The following CCN6 variants were observed in gnomAD, a reference collection of about 807,000 sequenced individuals.
CCN6 encodes cellular communication network factor 6, also known as CCN family member 6.
A neutral mutation model predicts 37.4 loss-of-function variants in CCN6; 31 were observed. That is an observed-to-expected ratio of 0.83 (90% confidence interval 0.62 to 1.12). The LOEUF is 1.12. Among genes scored for constraint, CCN6 ranks in the 50% most tolerant of loss-of-function variants. CCN6 has a pLI of 0.00. For missense variants in CCN6, 369 were observed against 413.8 expected (o/e 0.89, Z 0.94); for synonymous variants, 137 against 142.1 (o/e 0.96, Z 0.26).
chr6:112,067,068 A>G, intron 3 of CCN6: 1 of 1,351,038 alleles, frequency 7.4e-7, no homozygotes, highest in Non-Finnish European at 9.9e-7. Context: ...CCTCAGTTCT[A>G]TGTGCAATTG....
At chr6:112,056,877 A>G (rs936520426) in intron 1 of CCN6, among the ~76,000 whole-genome samples, 5 of 151,122 alleles carry the variant, frequency 3.3e-5, no homozygotes, top group African/African-American at 1.2e-4. Flanking sequence ...TCCTTTCAAC[A>G]TTGTCTTTGC....
intron 1 of CCN6, among the ~76,000 whole-genome samples, chr6:112,060,485 G>A (rs1379814411): frequency 6.6e-6 from 1 of 152,224 alleles, no homozygotes; most frequent in East Asian, 1.9e-4. Flanking sequence ...AAATATATTG[G>A]CATTTGCTTA....
At chr6:112,066,909 C>T (rs371070507) in intron 3 of CCN6, 27 of 1,268,478 alleles carry the variant, frequency 2.1e-5, no homozygotes, top group African/African-American at 1.5e-4. Context: ...CTACAGCTGT[C>T]GGTTTAACAA....
chr6:112,059,463 T>G (rs1554312342), intron 1 of CCN6, among the ~76,000 whole-genome samples: 1 of 152,144 alleles, frequency 6.6e-6, no homozygotes, highest in African/African-American at 2.4e-5. Flanking sequence ...CATGACCCAT[T>G]TCAGCAACGG....
At chr6:112,054,897 C>CT (rs1371680993) in intron 1 of CCN6, 1 of 194,426 alleles carries the variant, frequency 5.1e-6, no homozygotes. Flanking sequence ...AAAACATTCT[C>CT]TTACTTTGTC....
rs927676931 is a variant in CCN6, at chr6:112,060,948, A to G, written c.49-43A>G. The G allele has an allele frequency of 2.5e-6, 4 of 1,610,758 alleles. No homozygotes were observed. In the African/African-American group the frequency reaches 5.3e-5, roughly 21 times the overall value. ...TCTTCTATTCCTGTTATACTATTAC[A>G]TAGAGAAGCTATTTCTAACATCACC... is the stretch of plus-strand genomic sequence containing the variant. On this transcript the variant is annotated intron_variant, in intron 1 of 4. Transcript: ENST00000368666.
chr6:112,065,554 C>G (rs1776653541), intron 3 of CCN6, among the ~76,000 whole-genome samples: 1 of 117,844 alleles, frequency 8.5e-6, no homozygotes, highest in South Asian at 2.4e-4. Flanking sequence ...AATTGTTAAT[C>G]TCTCTGTAAA....
chr6:112,055,579 CTTTATTTA>C (rs375824740), intron 1 of CCN6, among the ~76,000 whole-genome samples: 3 of 151,288 alleles, frequency 2.0e-5, no homozygotes, highest in East Asian at 1.9e-4. Context: ...GTGCTGGGTG[CTTTATTTA>C]TTTATTTATT....
rs150881320 is a variant in CCN6 at position 112,061,152 on chromosome 6, T to A, written c.210T>A (p.Asp70Glu). 5.0e-6 allele frequency: 8 copies of A among 1,614,006 alleles called. No individual in the cohort carries two copies. The highest frequency in any genetic ancestry group is 6.8e-6 in the Non-Finnish European group (8 of 1,180,032). ...CTCCTGGAGTGAGCCTGGTGAGAGATGGCTGTGGATGCTGTAAAATCTGTG... is the reference window on the plus strand; with the variant it reads ...CTCCTGGAGTGAGCCTGGTGAGAGAAGGCTGTGGATGCTGTAAAATCTGTG... ...RCPPGVSLVR[D>E]GCGCCKICAK... The change falls in exon 2 of 5, where the codon GAT becomes GAA. Residue 70 changes from aspartate (D) to glutamate (E), a missense_variant. Transcript: ENST00000368666.
At chr6:112,056,159 G>A (rs1776342781) in intron 1 of CCN6, among the ~76,000 whole-genome samples, 1 of 152,090 alleles carries the variant, frequency 6.6e-6, no homozygotes, top group Admixed American at 6.5e-5. Context: ...CCCACATATT[G>A]ACTATGTCCA....
intron 2 of CCN6, among the ~76,000 whole-genome samples, chr6:112,064,023 C>G (rs1331087892): frequency 6.6e-6 from 1 of 152,110 alleles, no homozygotes; most frequent in Admixed American, 6.6e-5. Flanking sequence ...TTCCCCCACC[C>G]CTTTTAAAGT....
At chr6:112,060,898 C>T in intron 1 of CCN6, 93 bp from the exon 2 acceptor site, 5 of 1,449,388 alleles carry the variant, frequency 3.4e-6, no homozygotes, top group South Asian at 1.2e-5. Flanking sequence ...ACTCACCACT[C>T]TGTATACTAC....
At chr6:112,067,639 C>A (rs1199433665) in intron 3 of CCN6, among the ~76,000 whole-genome samples, 1 of 152,108 alleles carries the variant, frequency 6.6e-6, no homozygotes, top group Non-Finnish European at 1.5e-5. Flanking sequence ...CAATGACTTT[C>A]TATATAAATG....
intron 3 of CCN6, among the ~76,000 whole-genome samples, 159 bp from the exon 4 acceptor site, chr6:112,068,046 G>T (rs1554314418): frequency 2.6e-5 from 4 of 152,048 alleles, no homozygotes; most frequent in Non-Finnish European, 5.9e-5. Context: ...TTGGGAAAGA[G>T]GGAGATAGAG....
chr6:112,061,755 C>CA (rs1428229836), intron 2 of CCN6, among the ~76,000 whole-genome samples: 2 of 152,190 alleles, frequency 1.3e-5, no homozygotes, highest in Non-Finnish European at 2.9e-5. Flanking sequence ...GTGCTTTTTA[C>CA]TTCAGCAGAT....
intron 1 of CCN6, among the ~76,000 whole-genome samples, chr6:112,060,763 A>G (rs1200334798): frequency 6.6e-6 from 1 of 152,152 alleles, no homozygotes; most frequent in Non-Finnish European, 1.5e-5. Flanking sequence ...GCAGTCAGTG[A>G]TAAAGGAGGA....
At chr6:112,067,091 C>G (rs1776720257) in intron 3 of CCN6, 1 of 1,253,534 alleles carries the variant, frequency 8.0e-7, no homozygotes, top group Admixed American at 1.9e-5. Flanking sequence ...AGAGACTCTA[C>G]TGTCATAACA....
Position 112,061,144 on chromosome 6 carries a change from G to T in CCN6, c.202G>T (p.Val68Leu). Residue 68 changes from valine (V) to leucine (L), a missense_variant, in exon 2 of 5, where the codon GTG becomes TTG. Val to Leu is a conservative substitution (Grantham distance 32). Transcript: ENST00000368666. ...CCGTTGCCCTCCTGGAGTGAGCCTG[G>T]TGAGAGATGGCTGTGGATGCTGTAA... The part of the protein sequence containing the change: ...KPRCPPGVSL[V>L]RDGCGCCKIC... 4 of 1,614,148 alleles carry T rather than the reference G, an allele frequency of 2.5e-6. No homozygotes were observed. The highest frequency in any genetic ancestry group is 2.5e-6 in the Non-Finnish European group (3 of 1,180,036).
At position 112,054,586 on chromosome 6, in the gene CCN6, C is replaced by T. The variant is rs587690107; in HGVS notation, c.48+181C>T. On this transcript the variant is annotated intron_variant, in intron 1 of 4. Coordinates refer to ENST00000368666, the MANE Select transcript of CCN6 (RefSeq NM_198239.2). The stretch of plus-strand genomic sequence containing the variant: ...ATAAAGTTCTGTGTTCGTTCATGAG[C>T]TTCATGAAAGAAATGTAAAACATTT... 1,242 of 638,640 alleles carry T rather than the reference C, an allele frequency of 1.9e-3. 15 individuals are homozygous for T. Among genetic ancestry groups the T allele is most frequent in the South Asian group, 0.014 (781 of 55,996 alleles). The allele number at this position is 638,640 out of a possible 1,614,324, so 39.6% of individuals were successfully genotyped here.
Sources: gnomAD v4.1 joint callset for allele counts (sites outside exome capture counted in the v4.1 genomes callset) on GRCh38, gnomAD v4.1.1 for gene constraint, MANE v1.5 for transcripts, NCBI Gene and HGNC (gene_info 2026-07-23, HGNC 2026-07-21) for gene names.